Variants in LIN9 observed in about 807,000 individuals in gnomAD.
The protein encoded by LIN9 is lin-9 DREAM MuvB core complex component, also known as protein lin-9 homolog.
A neutral mutation model predicts 78.0 loss-of-function variants in LIN9; 18 were observed. The ratio of observed to expected loss-of-function variants is 0.23; its 90% CI spans 0.16 to 0.34. The LOEUF is 0.34. LIN9 is among the 10% of genes least tolerant of loss of function. The probability of loss-of-function intolerance (pLI) is 1.00; values close to 1 mark genes in which losing one functional copy is unlikely to be tolerated. For synonymous variants in LIN9, 192 were observed against 215.2 expected (o/e 0.89, Z 0.94); for missense variants, 451 against 644.1 (o/e 0.70, Z 3.25).
At chr1:226,275,972 G>A (rs1056183707) in intron 7 of LIN9, among the ~76,000 whole-genome samples, 5 of 151,422 alleles carry the variant, frequency 3.3e-5, no homozygotes, top group African/African-American at 1.2e-4. Flanking sequence ...AGGTTGTAGT[G>A]AGCCGAGATC....
chr1:226,288,731 C>A, intron 4 of LIN9, among the ~76,000 whole-genome samples: 1 of 63,202 alleles, frequency 1.6e-5, no homozygotes, highest in Non-Finnish European at 3.2e-5. Context: ...ACATGCAAGA[C>A]TGATATGGAA....
chr1:226,274,037 C>T (rs534678895), intron 7 of LIN9, among the ~76,000 whole-genome samples: 3 of 152,028 alleles, frequency 2.0e-5, no homozygotes, highest in Admixed American at 1.3e-4. Context: ...AGGGTTTCAC[C>T]ATGTTGGTCA....
At chr1:226,278,738 C>A (rs914797562) in intron 6 of LIN9, among the ~76,000 whole-genome samples, 1 of 150,698 alleles carries the variant, frequency 6.6e-6, no homozygotes, top group Non-Finnish European at 1.5e-5. Context: ...GCAGGGGAAT[C>A]GCTTGAACCC....
chr1:226,259,025 C>A (rs1659397116), intron 10 of LIN9, among the ~76,000 whole-genome samples: 1 of 138,830 alleles, frequency 7.2e-6, no homozygotes, highest in Non-Finnish European at 1.5e-5. Context: ...GGCCAGAGGG[C>A]AGTGTTGCAA....
At chr1:226,261,884 C>T (rs1220726032) in intron 10 of LIN9, among the ~76,000 whole-genome samples, 3 of 152,112 alleles carry the variant, frequency 2.0e-5, no homozygotes, top group African/African-American at 4.8e-5. Flanking sequence ...TATAAACCTA[C>T]AGTAATCAAG....
chr1:226,266,558 T>C (rs778390671), intron 8 of LIN9, among the ~76,000 whole-genome samples: 1 of 144,308 alleles, frequency 6.9e-6, no homozygotes, highest in Non-Finnish European at 1.5e-5. Flanking sequence ...GCCAAAAGGA[T>C]GAACCTCCAG....
chr1:226,304,241 G>A (rs1297133385), intron 1 of LIN9, among the ~76,000 whole-genome samples: 1 of 152,192 alleles, frequency 6.6e-6, no homozygotes, highest in Non-Finnish European at 1.5e-5. Flanking sequence ...CTAACGAGGT[G>A]TTCATTAATC....
intron 1 of LIN9, among the ~76,000 whole-genome samples, chr1:226,305,293 G>C (rs1662831578): frequency 8.2e-6 from 1 of 121,540 alleles, no homozygotes; most frequent in Non-Finnish European, 1.6e-5. Context: ...AACATAGGGA[G>C]ACCTCGTCTC....
chr1:226,260,640 T>G (rs919933016), intron 10 of LIN9, among the ~76,000 whole-genome samples: 12 of 120,454 alleles, frequency 1.0e-4, no homozygotes, highest in Admixed American at 2.5e-4. Flanking sequence ...TTTTTTTTTT[T>G]TTTTTTTTTT....
At chr1:226,287,987 T>A (rs1463546722) in intron 4 of LIN9, among the ~76,000 whole-genome samples, 190 bp from the exon 5 acceptor site, 1 of 152,158 alleles carries the variant, frequency 6.6e-6, no homozygotes, top group Non-Finnish European at 1.5e-5. Context: ...TTGCCTTTTT[T>A]TTTTTTGACA....
Position 226,297,796 on chromosome 1 carries a change from T to G in LIN9, c.82A>C (p.Thr28Pro), listed in dbSNP as rs539749595. The change falls in exon 3 of 15, where the codon ACG becomes CCG. Residue 28 changes from threonine (T) to proline (P), a missense_variant. By Grantham distance (38) the Thr-to-Pro change is conservative (BLOSUM62 -1). Transcript: ENST00000681046. ...VSLKEGSLSN[T>P]WNEKYSSLQK... ...AAAGAACTGTACTTTTCATTCCACG[T>G]GTTAGATAAGCTTCCTTCTGTAATA... 1.9e-6 allele frequency: 3 copies of G among 1,582,644 alleles called. No homozygotes were observed. In the South Asian group the frequency reaches 3.6e-5, roughly 19 times the overall value.
intron 7 of LIN9, among the ~76,000 whole-genome samples, chr1:226,270,414 C>T (rs1660188989): frequency 6.6e-6 from 1 of 152,056 alleles, no homozygotes; most frequent in African/African-American, 2.4e-5. Flanking sequence ...TCTGAAATAT[C>T]AAGTTTTCCA....
chr1:226,232,873 G>A (rs1298811893), intron 14 of LIN9: 7 of 494,532 alleles, frequency 1.4e-5, no homozygotes, highest in Non-Finnish European at 2.5e-5. Context: ...CAACCTCCAT[G>A]CTGACCCCAA....
At chr1:226,260,626 G>C (rs950565106) in intron 10 of LIN9, among the ~76,000 whole-genome samples, 7 of 115,330 alleles carry the variant, frequency 6.1e-5, no homozygotes, top group Admixed American at 9.8e-5. Flanking sequence ...ACGGCCAAAT[G>C]AGTTTTTTTT....
intron 12 of LIN9, among the ~76,000 whole-genome samples, chr1:226,236,075 A>G (rs1402585149): frequency 1.3e-5 from 2 of 152,144 alleles, no homozygotes; most frequent in Admixed American, 6.5e-5. Flanking sequence ...GATGTACCAT[A>G]AATAGTCAGT....
At chr1:226,284,878 G>A (rs571507105) in intron 6 of LIN9, among the ~76,000 whole-genome samples, 41 of 152,072 alleles carry the variant, frequency 2.7e-4, no homozygotes, top group African/African-American at 9.2e-4. Flanking sequence ...TTCTTTCCTG[G>A]TAGTTTATCT....
intron 11 of LIN9, among the ~76,000 whole-genome samples, chr1:226,240,999 T>G (rs1658072323): frequency 6.6e-6 from 1 of 152,228 alleles, no homozygotes; most frequent in African/African-American, 2.4e-5. Flanking sequence ...GAAGCCAGTT[T>G]GCATCAGTTA....
chr1:226,304,291 G>A (rs1662759298), intron 1 of LIN9, among the ~76,000 whole-genome samples: 1 of 152,140 alleles, frequency 6.6e-6, no homozygotes, highest in African/African-American at 2.4e-5. Context: ...CATGATGATT[G>A]GGTTTTCATA....
chr1:226,300,789 G>C (rs1281929632), intron 2 of LIN9, among the ~76,000 whole-genome samples: 1 of 152,120 alleles, frequency 6.6e-6, no homozygotes, highest in Admixed American at 6.5e-5. Context: ...CTGGGACGCA[G>C]AGGTTGCAGT....
Sources: gnomAD v4.1 joint callset for allele counts (sites outside exome capture counted in the v4.1 genomes callset) on GRCh38, gnomAD v4.1.1 for gene constraint, MANE v1.5 for transcripts, NCBI Gene and HGNC (gene_info 2026-07-23, HGNC 2026-07-21) for gene names.